ZEB1: variants seen among roughly 807,000 people sequenced by gnomAD.
The protein encoded by ZEB1 is zinc finger E-box binding homeobox 1, also known as zinc finger E-box-binding homeobox 1.
In ZEB1, 21 loss-of-function variants were observed where a neutral mutation model predicts 84.9. The ratio of observed to expected loss-of-function variants is 0.25; its 90% CI spans 0.18 to 0.36. The LOEUF is 0.36. ZEB1 is among the 10% of genes least tolerant of loss of function. ZEB1 has a pLI of 1.00. For synonymous variants in ZEB1, 420 were observed against 471.1 expected (o/e 0.89, Z 1.41); for missense variants, 1,104 against 1,330.2 (o/e 0.83, Z 2.65).
Position 31,505,773 on chromosome 10 carries a change from T to G in ZEB1, c.484+3264T>G, listed in dbSNP as rs187688339. Among the ~76,000 whole-genome samples, 204 of 152,106 alleles carry G rather than the reference T, an allele frequency of 1.3e-3. 2 individuals are homozygous for G. Among genetic ancestry groups the G allele is most frequent in the African/African-American group, 4.8e-3 (198 of 41,546 alleles). On this transcript the variant is annotated intron_variant, in intron 4 of 8. Coordinates refer to ENST00000424869, the MANE Select transcript of ZEB1 (RefSeq NM_001174096.2). ...ATTTTGTTCTGATTGTTATTATTTC[T>G]TTCCTTCTTAAATCCTAATTTAGGG...
chr10:31,329,354 C>T (rs2036269703), intron 1 of ZEB1, among the ~76,000 whole-genome samples: 1 of 152,058 alleles, frequency 6.6e-6, no homozygotes, highest in Non-Finnish European at 1.5e-5. Flanking sequence ...TAGCTCATTC[C>T]TTTTGTATTG....
intron 1 of ZEB1, among the ~76,000 whole-genome samples, chr10:31,372,681 T>C (rs2045930830): frequency 1.3e-5 from 2 of 152,158 alleles, no homozygotes; most frequent in Admixed American, 1.3e-4. Flanking sequence ...TTCCAGACAT[T>C]ACAGTTAGCT....
At chr10:31,349,939 A>G (rs1239450620) in intron 1 of ZEB1, among the ~76,000 whole-genome samples, 3 of 151,860 alleles carry the variant, frequency 2.0e-5, no homozygotes, top group Non-Finnish European at 4.4e-5. Flanking sequence ...CTATTTGTCT[A>G]TTTTTGTTTT....
chr10:31,502,412 G>A lies in ZEB1; in HGVS notation c.387G>A (p.Glu129=). ...AAAACCATGATCCTAATGTTGAAGA[G>A]TTTCTACAACAACAAGACACTGCTG... The part of the protein sequence containing the change: ...NEQNHDPNVE[E]FLQQQDTAVI... Residue 129 remains glutamate (E), a synonymous_variant, in exon 4 of 9, where the codon GAG becomes GAA. Coordinates refer to ENST00000424869, the MANE Select transcript of ZEB1 (RefSeq NM_001174096.2). 6.2e-7 allele frequency: 1 copy of A among 1,613,812 alleles called. No homozygotes were observed. Among genetic ancestry groups the A allele is most frequent in the Non-Finnish European group, 8.5e-7 (1 of 1,179,816 alleles).
At chr10:31,499,336 C>A (rs12249261) in intron 3 of ZEB1, among the ~76,000 whole-genome samples, 2,158 of 152,100 alleles carry the variant, frequency 0.014, 52 homozygotes, top group African/African-American at 0.049. Context: ...ATTTCAGTAT[C>A]TTTTATCAGT....
intron 1 of ZEB1, among the ~76,000 whole-genome samples, chr10:31,397,290 A>C (rs1032247302): frequency 6.6e-5 from 10 of 151,130 alleles, no homozygotes; most frequent in Admixed American, 5.3e-4. Context: ...CACGTTAAAT[A>C]CTTTCCCTTT....
At chr10:31,453,716 G>A (rs1000955433) in intron 1 of ZEB1, among the ~76,000 whole-genome samples, 4 of 151,942 alleles carry the variant, frequency 2.6e-5, no homozygotes, top group Admixed American at 1.3e-4. Flanking sequence ...AGAAGAAGTC[G>A]AATCCCTGAA....
intron 1 of ZEB1, among the ~76,000 whole-genome samples, chr10:31,460,672 T>C (rs899853668): frequency 2.0e-5 from 3 of 152,156 alleles, no homozygotes; most frequent in Admixed American, 2.0e-4. Context: ...GCTGTGATCT[T>C]AGACAAGTTA....
chr10:31,510,921 A>G (rs758620315), intron 5 of ZEB1, 46 bp downstream of exon 5: 1 of 1,575,526 alleles, frequency 6.3e-7, no homozygotes, highest in Admixed American at 1.7e-5. Context: ...GATTTTGACA[A>G]CTCAGCCCTC....
At chr10:31,498,318 T>A (rs541588548) in intron 3 of ZEB1, among the ~76,000 whole-genome samples, 2 of 152,206 alleles carry the variant, frequency 1.3e-5, no homozygotes, top group East Asian at 3.9e-4. Flanking sequence ...TCAGATTTTA[T>A]ACCTGACACC....
At chr10:31,336,056 CAT>C (rs1440126863) in intron 1 of ZEB1, among the ~76,000 whole-genome samples, 8 of 152,094 alleles carry the variant, frequency 5.3e-5, no homozygotes, top group African/African-American at 1.9e-4. Context: ...CATTGGCAGA[CAT>C]AAAGATCTAA....
intron 1 of ZEB1, among the ~76,000 whole-genome samples, chr10:31,348,478 C>T (rs1437171119): frequency 2.6e-5 from 4 of 152,088 alleles, no homozygotes; most frequent in East Asian, 3.8e-4. Flanking sequence ...ACAGGAGAAT[C>T]ACTTGCACCT....
chr10:31,411,341 A>G (rs1276374626), intron 1 of ZEB1, among the ~76,000 whole-genome samples: 1 of 152,144 alleles, frequency 6.6e-6, no homozygotes, highest in Non-Finnish European at 1.5e-5. Context: ...CCATACCAGA[A>G]TCTCTGGGAC....
Position 31,418,974 on chromosome 10 carries a change from C to T in ZEB1, c.59-42063C>T, listed in dbSNP as rs184436606. 9.2e-5 allele frequency among the ~76,000 whole-genome samples: 14 copies of T among 152,182 alleles called. No individual in the cohort carries two copies. In the East Asian group the frequency reaches 2.7e-3, roughly 29 times the overall value. ...TTCAAAAAAAAATCTGATATCCAAA[C>T]ACTTCTTTTCTCAAGGATTTTGGAT... On this transcript the variant is annotated intron_variant, in intron 1 of 8. Transcript: ENST00000424869.
chr10:31,321,438 T>A, intron 1 of ZEB1: 1 of 1,613,878 alleles, frequency 6.2e-7, no homozygotes, highest in Non-Finnish European at 8.5e-7. Context: ...GAGTGGAGCA[T>A]AGGCTATTGC....
At chr10:31,492,560 G>A (rs559542506) in intron 2 of ZEB1, among the ~76,000 whole-genome samples, 4 of 151,966 alleles carry the variant, frequency 2.6e-5, no homozygotes, top group African/African-American at 9.6e-5. Context: ...ATGTGTGAAT[G>A]TGTGTCAAAG....
At chr10:31,477,920 C>T in intron 2 of ZEB1, among the ~76,000 whole-genome samples, 1 of 151,778 alleles carries the variant, frequency 6.6e-6, no homozygotes, top group Non-Finnish European at 1.5e-5. Flanking sequence ...TGAAAGAAAA[C>T]CTAGGAAAAA....
intron 1 of ZEB1, among the ~76,000 whole-genome samples, chr10:31,426,359 A>G (rs1283850190): frequency 6.6e-6 from 1 of 151,928 alleles, no homozygotes; most frequent in Non-Finnish European, 1.5e-5. Context: ...TAGTTAAGAG[A>G]TACTTGGGGA....
intron 1 of ZEB1, among the ~76,000 whole-genome samples, chr10:31,419,827 CTGAA>C: frequency 6.6e-6 from 1 of 152,256 alleles, no homozygotes; most frequent in East Asian, 1.9e-4. Flanking sequence ...AGGATACAGA[CTGAA>C]TGAATAAGTT....
Sources: gnomAD v4.1 joint callset for allele counts (sites outside exome capture counted in the v4.1 genomes callset) on GRCh38, gnomAD v4.1.1 for gene constraint, MANE v1.5 for transcripts, NCBI Gene and HGNC (gene_info 2026-07-23, HGNC 2026-07-21) for gene names.